The following KCNN2 variants were observed in gnomAD, a reference collection of about 807,000 sequenced individuals.
KCNN2 encodes the protein potassium calcium-activated channel subfamily N member 2.
Under a neutral mutation model 55.5 loss-of-function variants are expected in KCNN2, and 24 were observed. The ratio of observed to expected loss-of-function variants is 0.43; its 90% CI spans 0.31 to 0.61. KCNN2 has a LOEUF of 0.61. KCNN2 is among the 20% of genes least tolerant of loss of function. The pLI, the probability that KCNN2 is intolerant of heterozygous loss-of-function variation, is 0.08. For missense variants in KCNN2, 754 were observed against 853.6 expected, an observed-to-expected ratio of 0.88 and a Z score of 1.45; for synonymous variants, 431 against 336.1, an observed-to-expected ratio of 1.28 and a Z score of -3.09.
intron 1 of KCNN2, among the ~76,000 whole-genome samples, chr5:114,095,861 T>C (rs1180209699): frequency 6.6e-6 from 1 of 152,188 alleles, no homozygotes; most frequent in African/African-American, 2.4e-5. Context: ...GTATCCTTTG[T>C]ACACTGTGCT....
At chr5:114,141,397 T>G (rs1752277344) in intron 1 of KCNN2, among the ~76,000 whole-genome samples, 2 of 152,046 alleles carry the variant, frequency 1.3e-5, no homozygotes, top group South Asian at 4.1e-4. Context: ...TTTTTTGTCC[T>G]TGTGATAGTT....
At chr5:114,282,901 C>T (rs1244165365) in intron 2 of KCNN2, among the ~76,000 whole-genome samples, 1 of 152,124 alleles carries the variant, frequency 6.6e-6, no homozygotes, top group East Asian at 1.9e-4. Flanking sequence ...TTTATACTTG[C>T]TCTGGCTTCC....
intron 1 of KCNN2, among the ~76,000 whole-genome samples, chr5:114,065,846 G>GGTTTTTTTTTTTTTTTTT: frequency 2.2e-5 from 1 of 45,244 alleles, no homozygotes; most frequent in African/African-American, 8.5e-5. Context: ...TCCTATGCAG[G>GGTTTTTTTTTTTTTTTTT]TTTTTTTTTT....
At chr5:114,454,883 T>A (rs1760850691) in intron 3 of KCNN2, among the ~76,000 whole-genome samples, 1 of 152,246 alleles carries the variant, frequency 6.6e-6, no homozygotes. Context: ...TCTATGACAA[T>A]TTGTGCCTTC....
At chr5:114,057,427 G>A (rs1750235093) in intron 1 of KCNN2, among the ~76,000 whole-genome samples, 1 of 152,112 alleles carries the variant, frequency 6.6e-6, no homozygotes, top group South Asian at 2.1e-4. Context: ...TAGTAAGTGG[G>A]GGAACCGAGA....
At chr5:114,115,999 T>G (rs920721625) in intron 1 of KCNN2, among the ~76,000 whole-genome samples, 14 of 152,100 alleles carry the variant, frequency 9.2e-5, no homozygotes, top group Non-Finnish European at 1.6e-4. Flanking sequence ...GAATAGAAAC[T>G]TCTGCCCTGT....
intron 1 of KCNN2, among the ~76,000 whole-genome samples, chr5:114,207,912 C>T (rs1561523112): frequency 6.6e-6 from 1 of 152,154 alleles, no homozygotes; most frequent in Admixed American, 6.5e-5. Context: ...GTAAAAGTCC[C>T]ATCTCCGTCA....
intron 2 of KCNN2, among the ~76,000 whole-genome samples, chr5:114,259,326 C>G (rs1429579699): frequency 1.3e-5 from 2 of 152,332 alleles, no homozygotes; most frequent in East Asian, 1.9e-4. Context: ...TGTACAGCTT[C>G]CATAGCCTGA....
At chr5:114,092,303 C>T (rs747701221) in intron 1 of KCNN2, among the ~76,000 whole-genome samples, 1 of 152,234 alleles carries the variant, frequency 6.6e-6, no homozygotes, top group East Asian at 1.9e-4. Context: ...GACTCCATGT[C>T]TCACATCCAG....
chr5:114,159,744 G>T (rs1752724865), intron 1 of KCNN2, among the ~76,000 whole-genome samples: 1 of 152,172 alleles, frequency 6.6e-6, no homozygotes, highest in African/African-American at 2.4e-5. Context: ...GGGTGTATGT[G>T]TCGAGGAATT....
At chr5:114,358,386 G>C (rs1469613733), upstream of KCNN2, among the ~76,000 whole-genome samples, 1 of 152,132 alleles carries the variant, frequency 6.6e-6, no homozygotes, top group African/African-American at 2.4e-5. Flanking sequence ...ATGGGTGTTT[G>C]TGTGCGTGTT....
At chr5:114,249,171 A>G (rs897327238) in intron 2 of KCNN2, among the ~76,000 whole-genome samples, 2 of 151,694 alleles carry the variant, frequency 1.3e-5, no homozygotes, top group East Asian at 1.9e-4. Context: ...TTCAATGGAG[A>G]TTAACATTTC....
rs77104554 is a variant in KCNN2, at chr5:114,495,999, T to C, written c.2193T>C (p.Gly731=). ...AAACAAAACTAGAGACTTTGATTGGTAGCATCCACGCCCTCCCTGGGCTCA... is the reference window on the plus strand; with the variant it reads ...AAACAAAACTAGAGACTTTGATTGGCAGCATCCACGCCCTCCCTGGGCTCA... ...TLETKLETLI[G]SIHALPGLIS... is the part of the protein sequence containing the mutation. Residue 731 remains glycine, a synonymous_variant, in exon 8 of 8, where the codon GGT becomes GGC. Coordinates refer to ENST00000673685, the MANE Select transcript of KCNN2 (RefSeq NM_021614.4). 3,017 of 1,614,046 alleles carry C rather than the reference T, an allele frequency of 1.9e-3. 65 individuals carry two copies. In the East Asian group the frequency reaches 0.046, roughly 25 times the overall value.
chr5:114,139,253 T>A (rs2112502121), intron 1 of KCNN2, among the ~76,000 whole-genome samples: 1 of 152,260 alleles, frequency 6.6e-6, no homozygotes, highest in South Asian at 2.1e-4. Flanking sequence ...GCATACTTGA[T>A]AATTTTGTGG....
intron 2 of KCNN2, among the ~76,000 whole-genome samples, chr5:114,375,732 C>T (rs1757908467): frequency 6.6e-6 from 1 of 151,670 alleles, no homozygotes; most frequent in Non-Finnish European, 1.5e-5. Flanking sequence ...TATTTGTCAG[C>T]ATCAAAGAGG....
At chr5:114,466,302 A>G (rs1761446085) in intron 4 of KCNN2, among the ~76,000 whole-genome samples, 1 of 152,094 alleles carries the variant, frequency 6.6e-6, no homozygotes, top group Non-Finnish European at 1.5e-5. Context: ...AAACAATGGG[A>G]TGATTTCTGA....
chr5:114,096,401 A>G (rs1314368913), intron 1 of KCNN2, among the ~76,000 whole-genome samples: 2 of 152,126 alleles, frequency 1.3e-5, no homozygotes, highest in Non-Finnish European at 2.9e-5. Flanking sequence ...TACAATCTCA[A>G]TTTACAAGTT....
chr5:114,354,847 G>T (rs1315181884), intron 2 of KCNN2, among the ~76,000 whole-genome samples: 2 of 152,072 alleles, frequency 1.3e-5, no homozygotes, highest in African/African-American at 4.8e-5. Context: ...AATGTATATT[G>T]TTTTGTATGA....
chr5:114,463,177 T>C lies in KCNN2; in HGVS notation c.1766T>C (p.Leu589Pro). The change falls in exon 4 of 8, where the codon CTT becomes CCT. Residue 589 changes from leucine (L) to proline (P), a missense_variant. Transcript: ENST00000673685. ...NTYCGKGVCLLTGIMGAGCTA... is the reference protein window; with the variant it reads ...NTYCGKGVCLPTGIMGAGCTA... Reference sequence around the variant, plus strand: ...TACTGTGGAAAAGGAGTCTGCTTACTTACTGGAATTATGGTAAGTGTCTTT... The same window carrying C: ...TACTGTGGAAAAGGAGTCTGCTTACCTACTGGAATTATGGTAAGTGTCTTT... 1 of 1,611,286 alleles carries C rather than the reference T, an allele frequency of 6.2e-7. No homozygotes were observed. Among genetic ancestry groups the C allele is most frequent in the Non-Finnish European group, 8.5e-7 (1 of 1,178,934 alleles).
Sources: allele counts gnomAD v4.1 joint callset (sites outside exome capture counted in the v4.1 genomes callset), GRCh38; gene constraint gnomAD v4.1.1; transcripts MANE v1.5; gene names NCBI Gene and HGNC (gene_info 2026-07-23, HGNC 2026-07-21).